EGFLAM: variants seen among roughly 807,000 people sequenced by gnomAD.
EGFLAM encodes the protein EGF like, fibronectin type III and laminin G domains.
EGFLAM carries 79 observed loss-of-function variants against 113.1 expected under a neutral mutation model. The ratio of observed to expected loss-of-function variants is 0.70; its 90% confidence interval spans 0.58 to 0.84. The LOEUF (loss-of-function observed/expected upper bound fraction) is 0.84, where lower values mean the gene tolerates loss of function less well. Among genes scored for constraint, EGFLAM ranks in the 40% least tolerant of loss-of-function variants. EGFLAM has a pLI of 0.00. For missense variants in EGFLAM, 1,265 were observed against 1,291.6 expected (o/e 0.98, Z 0.32); for synonymous variants, 504 against 487.6 (o/e 1.03, Z -0.44).
intron 11 of EGFLAM, among the ~76,000 whole-genome samples, chr5:38,414,700 G>A (rs1168842436): frequency 6.6e-6 from 1 of 152,202 alleles, no homozygotes. Flanking sequence ...TCCCTTCAAT[G>A]ATTGATTGAA....
chr5:38,332,760 G>C (rs1739079583), intron 1 of EGFLAM, among the ~76,000 whole-genome samples: 1 of 152,252 alleles, frequency 6.6e-6, no homozygotes, highest in African/African-American at 2.4e-5. Context: ...TTAAGACACA[G>C]ATCACTCATG....
chr5:38,400,280 GT>G (rs778297181), intron 6 of EGFLAM, among the ~76,000 whole-genome samples: 4 of 152,010 alleles, frequency 2.6e-5, no homozygotes, highest in Admixed American at 2.6e-4. Flanking sequence ...CAAAGCACAG[GT>G]TTTTTTATAA....
intron 6 of EGFLAM, among the ~76,000 whole-genome samples, chr5:38,394,689 G>A (rs1220068060): frequency 1.4e-5 from 2 of 147,266 alleles, no homozygotes; most frequent in African/African-American, 2.5e-5. Flanking sequence ...GATTACAGGC[G>A]TGAGCCACCG....
intron 6 of EGFLAM, among the ~76,000 whole-genome samples, chr5:38,388,933 C>A (rs76453029): frequency 0.027 from 3,812 of 139,298 alleles, 161 homozygotes; most frequent in African/African-American, 0.092. Flanking sequence ...AAAAAAAAAA[C>A]AAAAAAAAAT....
intron 1 of EGFLAM, among the ~76,000 whole-genome samples, chr5:38,319,032 C>T (rs1181877928): frequency 1.3e-5 from 2 of 152,114 alleles, no homozygotes; most frequent in Non-Finnish European, 2.9e-5. Context: ...TGGTCATGCT[C>T]CAGGCTCATG....
At chr5:38,455,118 A>G (rs1413963050) in intron 19 of EGFLAM, among the ~76,000 whole-genome samples, 1 of 152,156 alleles carries the variant, frequency 6.6e-6, no homozygotes, top group Non-Finnish European at 1.5e-5. Flanking sequence ...TCTTCATGCA[A>G]CGAAGAGGGG....
intron 16 of EGFLAM, among the ~76,000 whole-genome samples, chr5:38,436,786 C>T (rs777809226): frequency 9.9e-5 from 15 of 152,198 alleles, no homozygotes; most frequent in East Asian, 7.7e-4. Context: ...GCACATATTA[C>T]GCAGTTTCAT....
chr5:38,427,484 C>A, intron 14 of EGFLAM: 1 of 567,028 alleles, frequency 1.8e-6, no homozygotes, highest in Admixed American at 3.6e-5. Flanking sequence ...CAACAGGTAG[C>A]AATTGTATGC....
At chr5:38,272,777 T>TGTGC (rs55966958) in intron 1 of EGFLAM, among the ~76,000 whole-genome samples, 16 of 105,302 alleles carry the variant, frequency 1.5e-4, no homozygotes, top group Non-Finnish European at 2.7e-4. Context: ...TGTGTGTGTG[T>TGTGC]CTGTGTCTGT....
chr5:38,447,443 A>G (rs1742750555), intron 17 of EGFLAM, among the ~76,000 whole-genome samples: 1 of 152,128 alleles, frequency 6.6e-6, no homozygotes, highest in Admixed American at 6.5e-5. Context: ...CTGCTACTTC[A>G]TGAGATTGTA....
intron 1 of EGFLAM, among the ~76,000 whole-genome samples, chr5:38,336,471 G>A (rs1014284328): frequency 1.3e-5 from 2 of 152,056 alleles, no homozygotes; most frequent in African/African-American, 4.8e-5. Context: ...CTACTCCGGA[G>A]GCTGAGGCAG....
intron 1 of EGFLAM, among the ~76,000 whole-genome samples, chr5:38,312,290 G>A (rs1224891242): frequency 2.7e-5 from 4 of 150,248 alleles, no homozygotes; most frequent in African/African-American, 4.9e-5. Context: ...CGCCCAGGCT[G>A]GAGTGCAGTG....
At chr5:38,275,298 C>A (rs1268374812) in intron 1 of EGFLAM, among the ~76,000 whole-genome samples, 2 of 152,072 alleles carry the variant, frequency 1.3e-5, no homozygotes, top group Non-Finnish European at 2.9e-5. Flanking sequence ...AAAAACAAGA[C>A]CCATCTATGC....
intron 6 of EGFLAM, among the ~76,000 whole-genome samples, chr5:38,394,057 G>T (rs1421096619): frequency 1.3e-5 from 2 of 152,046 alleles, no homozygotes; most frequent in African/African-American, 2.4e-5. Flanking sequence ...AAGCCGCACC[G>T]TCTGAAGTTA....
At chr5:38,427,298 T>C (rs1204770393) in intron 14 of EGFLAM, 46 bp downstream of exon 14, 7 of 1,593,224 alleles carry the variant, frequency 4.4e-6, no homozygotes, top group Non-Finnish European at 5.1e-6. Context: ...AAAAGGCAAA[T>C]AGTAACTGCT....
chr5:38,411,637 C>T (rs1161879573), intron 10 of EGFLAM, among the ~76,000 whole-genome samples: 3 of 151,300 alleles, frequency 2.0e-5, no homozygotes, highest in East Asian at 4.0e-4. Flanking sequence ...CATCTGCCAT[C>T]GTGCTCAGTT....
chr5:38,269,031 G>A (rs1757700108), intron 1 of EGFLAM, among the ~76,000 whole-genome samples: 1 of 152,056 alleles, frequency 6.6e-6, no homozygotes, highest in South Asian at 2.1e-4. Context: ...CAAAAAATTA[G>A]CCAGTTGTGG....
At chr5:38,349,972 C>G (rs529806017) in intron 3 of EGFLAM, among the ~76,000 whole-genome samples, 1 of 92,162 alleles carries the variant, frequency 1.1e-5, no homozygotes, top group Non-Finnish European at 2.4e-5. Context: ...CACACACACA[C>G]ACACACACAC....
intron 12 of EGFLAM, among the ~76,000 whole-genome samples, chr5:38,422,919 C>G (rs566357595): frequency 6.6e-6 from 1 of 152,316 alleles, no homozygotes; most frequent in South Asian, 2.1e-4. Flanking sequence ...GGCTTACTCA[C>G]CCATGCTCAG....
Sources: gnomAD v4.1 joint callset for allele counts (sites outside exome capture counted in the v4.1 genomes callset) on GRCh38, gnomAD v4.1.1 for gene constraint, MANE v1.5 for transcripts, NCBI Gene and HGNC (gene_info 2026-07-23, HGNC 2026-07-21) for gene names.